Variants in MEGF6 observed in about 807,000 individuals in gnomAD.
MEGF6 encodes the protein multiple EGF like domains 6.
Under a neutral mutation model 207.1 loss-of-function variants are expected in MEGF6, and 184 were observed. That is an observed-to-expected ratio of 0.89 (90% CI 0.79 to 1.00). The LOEUF is 1.00. Among genes scored for constraint, MEGF6 ranks in the 50% least tolerant of loss-of-function variants. The pLI is 0.00. For synonymous variants in MEGF6, 1,038 were observed against 910.0 expected, an observed-to-expected ratio of 1.14 and a Z score of -2.53; for missense variants, 2,282 against 2,202.9, an observed-to-expected ratio of 1.04 and a Z score of -0.72.
At chr1:3,524,268 T>A (rs758766763) in intron 4 of MEGF6, 22 bp from the exon 5 acceptor site, 15 of 1,600,010 alleles carry the variant, frequency 9.4e-6, no homozygotes, top group East Asian at 6.7e-5. Context: ...TGGGGAAGGA[T>A]CAGCAGCTGG....
rs1343987098 is a variant in MEGF6 at position 3,565,005 on chromosome 1, C to A, written c.481+14820G>T. 2.6e-5 allele frequency among the ~76,000 whole-genome samples: 4 copies of A among 152,208 alleles called. No individual in the cohort carries two copies. Among genetic ancestry groups the A allele is most frequent in the Non-Finnish European group, 4.4e-5 (3 of 68,044 alleles). On this transcript the variant is annotated intron_variant, in intron 4 of 36. Coordinates refer to ENST00000356575, the MANE Select transcript of MEGF6 (RefSeq NM_001409.4). The surrounding 1 kb of genome is among the most constrained non-coding windows in gnomAD (Gnocchi z 4.8). ...TACGGCAGGCACCACCGCTGAATTA[C>A]ACCTTTCCTTCCAATTCTGTCCCAG...
chr1:3,514,949 G>A (rs538889814), intron 6 of MEGF6, among the ~76,000 whole-genome samples: 8 of 152,294 alleles, frequency 5.3e-5, no homozygotes, highest in East Asian at 1.9e-4. Flanking sequence ...AGGTGCTGGC[G>A]CTGACACCAA....
intron 17 of MEGF6, among the ~76,000 whole-genome samples, chr1:3,504,463 G>T (rs538237287): frequency 6.6e-6 from 1 of 152,034 alleles, no homozygotes; most frequent in Admixed American, 6.5e-5. Context: ...GCTTGGCCAG[G>T]ACCACACACC....
intron 5 of MEGF6, among the ~76,000 whole-genome samples, chr1:3,516,233 T>A (rs1641537026): frequency 1.3e-5 from 2 of 152,186 alleles, no homozygotes; most frequent in Admixed American, 1.3e-4. Flanking sequence ...TGCCCTGAGC[T>A]GGCGCAGGGA....
At chr1:3,498,323 C>A in intron 26 of MEGF6, 48 bp downstream of exon 26, 4 of 1,567,112 alleles carry the variant, frequency 2.6e-6, no homozygotes, top group Non-Finnish European at 3.4e-6. Flanking sequence ...TGATGCCACC[C>A]CTTCCCAGCA....
At chr1:3,511,519 G>A in intron 9 of MEGF6, 31 bp downstream of exon 9, 2 of 1,583,968 alleles carry the variant, frequency 1.3e-6, no homozygotes, top group African/African-American at 1.3e-5. Flanking sequence ...CTGGAGTGGG[G>A]TGCAGGCATC....
At chr1:3,606,025 CT>C (rs1252176824) in intron 1 of MEGF6, among the ~76,000 whole-genome samples, 1 of 152,252 alleles carries the variant, frequency 6.6e-6, no homozygotes, top group Non-Finnish European at 1.5e-5. Flanking sequence ...CTCTGTCCCC[CT>C]GAAACTTCAA....
At position 3,540,648 on chromosome 1, in the gene MEGF6, TG is replaced by T. The variant is rs1049129623; in HGVS notation, c.482-16403del. ...ATGTATGTCTTACAGCTCCAGAGGC[TG>T]GGAAGTCCAAGATCCAGGCACGGCA... On this transcript the variant is annotated intron_variant, in intron 4 of 36. Transcript: ENST00000356575. Among the ~76,000 whole-genome samples, 46 of 152,350 alleles carry T rather than the reference TG, an allele frequency of 3.0e-4. 1 individual carries two copies. Among genetic ancestry groups the T allele is most frequent in the Non-Finnish European group, 3.7e-4 (25 of 68,020 alleles).
At chr1:3,517,375 G>A (rs970137231) in intron 5 of MEGF6, among the ~76,000 whole-genome samples, 6 of 152,152 alleles carry the variant, frequency 3.9e-5, no homozygotes, top group South Asian at 2.1e-4. Context: ...CCACCAGGGC[G>A]GGGGGATCAG....
intron 4 of MEGF6, among the ~76,000 whole-genome samples, chr1:3,557,966 G>C (rs1643085167): frequency 6.6e-6 from 1 of 152,212 alleles, no homozygotes; most frequent in African/African-American, 2.4e-5. Flanking sequence ...GGTCTGCTGT[G>C]TAAAGGAGCC....
At chr1:3,617,357 A>ACTGGCT in the MEGF6 span, among the ~76,000 whole-genome samples, 1 of 151,608 alleles carries the variant, frequency 6.6e-6, no homozygotes, top group African/African-American at 2.4e-5. Context: ...CTCCCCTGCC[A>ACTGGCT]CCCGTGAATG....
chr1:3,610,057 A>C (rs1644304305), intron 1 of MEGF6, among the ~76,000 whole-genome samples: 1 of 152,226 alleles, frequency 6.6e-6, no homozygotes, highest in Non-Finnish European at 1.5e-5. Flanking sequence ...AATCACAGGA[A>C]AGAGGAATGT....
At chr1:3,583,183 T>C (rs901342434) in intron 3 of MEGF6, among the ~76,000 whole-genome samples, 1 of 152,128 alleles carries the variant, frequency 6.6e-6, no homozygotes, top group Non-Finnish European at 1.5e-5. Context: ...TGCGCAAAGC[T>C]GCGCTCCAAA....
rs763066512 is a variant in MEGF6, at chr1:3,507,886, G to A, written c.1698C>T (p.Phe566=). 3.1e-6 allele frequency: 5 copies of A among 1,612,818 alleles called. No individual in the cohort carries two copies. Among genetic ancestry groups the A allele is most frequent in the South Asian group, 1.1e-5 (1 of 91,086 alleles). ...PPDTFGKNCS[F]SCSCQNGGTC... The stretch of plus-strand genomic sequence containing the variant: ...TCCCACCATTCTGACAGCTGCAGGA[G>A]AAGCTGCAGTTCTTCCCAAAGGTGT... Residue 566 remains phenylalanine (F), a synonymous_variant, in exon 14 of 37, where the codon TTC becomes TTT. Coordinates refer to ENST00000356575, the MANE Select transcript of MEGF6 (RefSeq NM_001409.4).
chr1:3,523,990 G>A lies in MEGF6; in HGVS notation c.604+134C>T, dbSNP rs566789358. 10 of 1,023,174 alleles carry A rather than the reference G, an allele frequency of 9.8e-6. No homozygotes were observed. The South Asian group carries it at 1.2e-4, about 12-fold the overall frequency. 63.4% of individuals were successfully genotyped at this position (1,023,174 alleles called of 1,614,324 possible). ...GATTCCATAGAGCCATGCTCCGCAG[G>A]AAGGAGCCACTGCCAGAGCGGCCTC... On this transcript the variant is annotated intron_variant, in intron 5 of 36. Coordinates refer to ENST00000356575, the MANE Select transcript of MEGF6 (RefSeq NM_001409.4).
chr1:3,553,488 G>C (rs2101602752), intron 4 of MEGF6, among the ~76,000 whole-genome samples: 1 of 152,300 alleles, frequency 6.6e-6, no homozygotes, highest in South Asian at 2.1e-4. Flanking sequence ...TGGAGCCACG[G>C]GAGAGAGGCC....
the MEGF6 span, among the ~76,000 whole-genome samples, chr1:3,618,081 A>G: frequency 6.6e-6 from 1 of 152,100 alleles, no homozygotes; most frequent in Admixed American, 6.5e-5. The surrounding 1 kb of genome is among the most constrained non-coding windows in gnomAD (Gnocchi z 4.7). Context: ...CCTTAGCAGC[A>G]CCTACACACA....
chr1:3,607,430 C>A lies in MEGF6; in HGVS notation c.131+3708G>T, dbSNP rs963253941. On this transcript the variant is annotated intron_variant, in intron 1 of 36. Transcript: ENST00000356575. ...GGATGGCTCTTGCAGTGACCCCCAA[C>A]AAAATTGATTGATCATCAATCAAGC... Among the ~76,000 whole-genome samples, 6 of 152,062 alleles carry A rather than the reference C, an allele frequency of 3.9e-5. No individual in the cohort carries two copies. The East Asian group carries it at 1.2e-3, about 29-fold the overall frequency.
intron 29 of MEGF6, among the ~76,000 whole-genome samples, chr1:3,496,382 C>G (rs1384379478): frequency 6.6e-6 from 1 of 152,258 alleles, no homozygotes. Context: ...TGGCTGTGCT[C>G]AAGCCCCTGG....
Sources: gnomAD v4.1 joint callset for allele counts (sites outside exome capture counted in the v4.1 genomes callset) on GRCh38, gnomAD v4.1.1 for gene constraint, Gnocchi (gnomAD v3.1) non-coding constraint, MANE v1.5 for transcripts, NCBI Gene and HGNC (gene_info 2026-07-23, HGNC 2026-07-21) for gene names.